The following RABGAP1L variants were observed in gnomAD, a reference collection of about 807,000 sequenced individuals.
RABGAP1L encodes RAB GTPase activating protein 1 like, also known as rab GTPase-activating protein 1-like.
In RABGAP1L, 63 loss-of-function variants were observed where a neutral mutation model predicts 137.7. The ratio of observed to expected loss-of-function variants is 0.46; its 90% CI spans 0.37 to 0.56. RABGAP1L has a LOEUF of 0.56. RABGAP1L is among the 20% of genes least tolerant of loss of function. The pLI is 0.00. For synonymous variants in RABGAP1L, 431 were observed against 433.7 expected (o/e 0.99, Z 0.08); for missense variants, 1,095 against 1,244.0 (o/e 0.88, Z 1.80).
intron 11 of RABGAP1L, among the ~76,000 whole-genome samples, chr1:174,337,940 C>T (rs1332567723): frequency 6.6e-6 from 1 of 152,094 alleles, no homozygotes; most frequent in Admixed American, 6.6e-5. Flanking sequence ...CAGTTTAAAT[C>T]ATTACAGAAG....
intron 5 of RABGAP1L, among the ~76,000 whole-genome samples, chr1:174,242,686 T>C (rs1369971131): frequency 6.6e-6 from 1 of 152,196 alleles, no homozygotes; most frequent in Non-Finnish European, 1.5e-5. Flanking sequence ...ACACATATAA[T>C]TTAGATTGTA....
chr1:174,315,443 C>G (rs897144793), intron 11 of RABGAP1L, among the ~76,000 whole-genome samples: 2 of 152,034 alleles, frequency 1.3e-5, no homozygotes, highest in Admixed American at 1.3e-4. Flanking sequence ...CTTTTTCATT[C>G]ATTTAGCCAG....
chr1:174,171,277 C>A (rs1354806299), intron 1 of RABGAP1L, among the ~76,000 whole-genome samples: 1 of 152,096 alleles, frequency 6.6e-6, no homozygotes, highest in Non-Finnish European at 1.5e-5. Context: ...TAGCTTAGAT[C>A]ATCAATAATC....
At chr1:174,326,937 C>T (rs1166108365) in intron 11 of RABGAP1L, among the ~76,000 whole-genome samples, 1 of 152,016 alleles carries the variant, frequency 6.6e-6, no homozygotes, top group African/African-American at 2.4e-5. Context: ...AAACGAGAAA[C>T]CTGTCAACCA....
intron 18 of RABGAP1L, chr1:174,756,799 C>G: frequency 2.0e-6 from 1 of 511,246 alleles, no homozygotes. Context: ...AGTCCCTACT[C>G]GGTTGCAAAC....
rs866239976 is a variant in RABGAP1L, at chr1:174,399,797, C to T, written c.1710+5652C>T. On this transcript the variant is annotated intron_variant, in intron 13 of 25. Transcript: ENST00000681986. ...AAATGCCAGATGCTTATAAAACCAT[C>T]AGATCTCGTGGGAACTCATTATCAC... Among the ~76,000 whole-genome samples, 36 of 152,202 alleles carry T rather than the reference C, an allele frequency of 2.4e-4. No individual in the cohort carries two copies. In the Middle Eastern group the frequency reaches 0.01, roughly 43 times the overall value.
chr1:174,854,715 CTTTTTTTTTTTTTTTTTTTT>C lies in RABGAP1L; in HGVS notation c.2340+42781_2340+42800del, dbSNP rs71117584. Reference sequence around the variant, plus strand: ...AACTGCAATAGACTCAATATAAATGCTTTTTTTTTTTTTTTTTTTTTTTTTTTTTTTTTTTTTTTTTTTTT... The same window carrying C: ...AACTGCAATAGACTCAATATAAATGCTTTTTTTTTTTTTTTTTTTTTTTTT... On this transcript the variant is annotated intron_variant, in intron 19 of 25. Coordinates refer to ENST00000681986, the MANE Select transcript of RABGAP1L (RefSeq NM_001366446.1). Among the ~76,000 whole-genome samples, 282 of 56,786 alleles carry C rather than the reference CTTTTTTTTTTTTTTTTTTTT, an allele frequency of 5.0e-3. 8 individuals are homozygous for C. The highest frequency in any genetic ancestry group is 0.016 in the African/African-American group (219 of 13,580). 37.3% of individuals were successfully genotyped at this position (56,786 alleles called of 152,430 possible).
intron 1 of RABGAP1L, among the ~76,000 whole-genome samples, chr1:174,198,463 G>C (rs1571502699): frequency 6.6e-6 from 1 of 152,152 alleles, no homozygotes; most frequent in Non-Finnish European, 1.5e-5. Flanking sequence ...CTAAATTCAA[G>C]GAATTGACTT....
intron 14 of RABGAP1L, among the ~76,000 whole-genome samples, chr1:174,638,818 T>C (rs1354637886): frequency 6.9e-6 from 1 of 144,324 alleles, no homozygotes; most frequent in African/African-American, 2.6e-5. Context: ...TTCTCCCTCA[T>C]AGGTGGGAAT....
chr1:174,255,168 A>C (rs1381089272), intron 7 of RABGAP1L, among the ~76,000 whole-genome samples: 1 of 152,002 alleles, frequency 6.6e-6, no homozygotes, highest in Non-Finnish European at 1.5e-5. Context: ...TATAGTTGTC[A>C]CCTTTTTTTC....
At chr1:174,335,480 G>A (rs949727811) in intron 11 of RABGAP1L, among the ~76,000 whole-genome samples, 2 of 152,170 alleles carry the variant, frequency 1.3e-5, no homozygotes, top group African/African-American at 4.8e-5. Context: ...AATGAAGTGT[G>A]TTAAAGGGCA....
chr1:174,664,384 C>A (rs988124735), intron 14 of RABGAP1L, among the ~76,000 whole-genome samples: 1 of 152,050 alleles, frequency 6.6e-6, no homozygotes, highest in Non-Finnish European at 1.5e-5. Flanking sequence ...TCCAATGAAG[C>A]CTTGAGATGT....
chr1:174,540,306 C>G (rs112536507), intron 13 of RABGAP1L, among the ~76,000 whole-genome samples: 6 of 152,194 alleles, frequency 3.9e-5, no homozygotes, highest in African/African-American at 1.4e-4. Flanking sequence ...AATTAAATCC[C>G]ATTTATCTAT....
rs754766659 is a variant in RABGAP1L at position 174,993,351 on chromosome 1, A to C, written c.*3350A>C. 1 of 152,240 alleles carries C rather than the reference A, an allele frequency of 6.6e-6. No individual in the cohort carries two copies. Among genetic ancestry groups the C allele is most frequent in the Admixed American group, 6.5e-5 (1 of 15,288 alleles). 9.4% of individuals were successfully genotyped at this position (152,240 alleles called of 1,614,324 possible). Reference sequence around the variant, plus strand: ...TGAAATGTCCTGAGTAAAGTAGAAAAGCAACCTTTGTATGGATGTGGGGAT... The same window carrying C: ...TGAAATGTCCTGAGTAAAGTAGAAACGCAACCTTTGTATGGATGTGGGGAT... On this transcript the variant is annotated 3_prime_UTR_variant, in exon 26 of 26. Transcript: ENST00000681986.
chr1:174,437,658 CA>C (rs1183091473), intron 13 of RABGAP1L, among the ~76,000 whole-genome samples: 2 of 152,134 alleles, frequency 1.3e-5, no homozygotes, highest in African/African-American at 4.8e-5. Context: ...GGATATTATC[CA>C]GGAGAACTTC....
At chr1:174,799,738 A>G (rs1252244286) in intron 18 of RABGAP1L, among the ~76,000 whole-genome samples, 2 of 151,594 alleles carry the variant, frequency 1.3e-5, no homozygotes, top group African/African-American at 2.4e-5. Flanking sequence ...CTACCCCTTC[A>G]TTACTGATTC....
At chr1:174,438,666 C>T (rs996739628) in intron 13 of RABGAP1L, among the ~76,000 whole-genome samples, 11 of 146,282 alleles carry the variant, frequency 7.5e-5, no homozygotes, top group Non-Finnish European at 1.0e-4. Flanking sequence ...TGCAGTGAGC[C>T]GAGATCACGC....
intron 13 of RABGAP1L, among the ~76,000 whole-genome samples, chr1:174,454,651 G>A (rs1298861707): frequency 6.7e-6 from 1 of 149,802 alleles, no homozygotes; most frequent in Admixed American, 6.7e-5. Flanking sequence ...CCGGGTTCAC[G>A]CCATTCTCCT....
In RABGAP1L at chr1:174,775,399, C is replaced by T. The variant is rs1162299826; in HGVS notation, c.2211+23045C>T. ...TGTGATCTCAGTTCACTACAACCTCCACCTCCCAGGTTCAAGAGATTCTCC... is the reference window on the plus strand; with the variant it reads ...TGTGATCTCAGTTCACTACAACCTCTACCTCCCAGGTTCAAGAGATTCTCC... On this transcript the variant is annotated intron_variant, in intron 18 of 25. Coordinates refer to ENST00000681986, the MANE Select transcript of RABGAP1L (RefSeq NM_001366446.1). 4.0e-5 allele frequency among the ~76,000 whole-genome samples: 6 copies of T among 151,542 alleles called. 1 individual carries two copies. Among genetic ancestry groups the T allele is most frequent in the Non-Finnish European group, 2.9e-5 (2 of 67,964 alleles).
Sources: allele counts gnomAD v4.1 joint callset (sites outside exome capture counted in the v4.1 genomes callset), GRCh38; gene constraint gnomAD v4.1.1; transcripts MANE v1.5; gene names NCBI Gene and HGNC (gene_info 2026-07-23, HGNC 2026-07-21).